Variants in CTNND2 observed in about 807,000 individuals in gnomAD.
The protein encoded by CTNND2 is catenin delta 2, also known as catenin delta-2.
CTNND2 carries 22 observed loss-of-function variants against 144.4 expected under a neutral mutation model. That is an observed-to-expected ratio of 0.15 (90% confidence interval 0.11 to 0.22). The LOEUF is 0.22. Among genes scored for constraint, CTNND2 ranks in the 10% least tolerant of loss-of-function variants. The probability of loss-of-function intolerance (pLI) is 1.00; values close to 1 mark genes in which losing one functional copy is unlikely to be tolerated. For synonymous variants in CTNND2, 751 were observed against 695.6 expected (o/e 1.08, Z -1.25); for missense variants, 1,353 against 1,618.8 (o/e 0.84, Z 2.82).
At chr5:10,978,183 G>T (rs1561109758) in intron 21 of CTNND2, among the ~76,000 whole-genome samples, 1 of 152,166 alleles carries the variant, frequency 6.6e-6, no homozygotes. Context: ...AAGTTCTGGG[G>T]TAACTTTTGG....
chr5:11,850,381 A>T (rs1338572389), intron 1 of CTNND2, among the ~76,000 whole-genome samples: 1 of 152,226 alleles, frequency 6.6e-6, no homozygotes, highest in Non-Finnish European at 1.5e-5. Flanking sequence ...CCAAGGTAAT[A>T]GGTAATAAAG....
intron 5 of CTNND2, among the ~76,000 whole-genome samples, chr5:11,404,430 C>T (rs1392862252): frequency 3.3e-5 from 5 of 151,856 alleles, no homozygotes; most frequent in Non-Finnish European, 7.4e-5. Flanking sequence ...ACCCTTTGTT[C>T]CTGCCATTAA....
intron 15 of CTNND2, among the ~76,000 whole-genome samples, chr5:11,092,145 A>G (rs1286981907): frequency 2.0e-5 from 3 of 152,188 alleles, no homozygotes; most frequent in Non-Finnish European, 4.4e-5. Context: ...TGTCTTTCAG[A>G]GATCATTGTC....
intron 9 of CTNND2, among the ~76,000 whole-genome samples, chr5:11,320,578 T>TG (rs1191013300): frequency 6.6e-6 from 1 of 152,064 alleles, no homozygotes; most frequent in Non-Finnish European, 1.5e-5. Flanking sequence ...CATGGCTGGG[T>TG]GGGGGCCTCA....
In CTNND2 at chr5:11,205,623, C is replaced by T. The variant is rs376442272; in HGVS notation, c.1762-5962G>A. ...ACCTCACTGAATTTCAAGCCTTACT[C>T]TTATTGAAAAGCCAGTTAAACCATC... On this transcript the variant is annotated intron_variant, in intron 10 of 21. Coordinates refer to ENST00000304623, the MANE Select transcript of CTNND2 (RefSeq NM_001332.4). 8.5e-5 allele frequency among the ~76,000 whole-genome samples: 13 copies of T among 152,266 alleles called. No individual in the cohort carries two copies. The South Asian group carries it at 2.7e-3, about 32-fold the overall frequency.
At chr5:11,868,034 G>A (rs1795854828) in intron 1 of CTNND2, among the ~76,000 whole-genome samples, 1 of 151,832 alleles carries the variant, frequency 6.6e-6, no homozygotes, top group South Asian at 2.1e-4. Context: ...GCAGGGGCAG[G>A]ATAGACAGAG....
intron 9 of CTNND2, among the ~76,000 whole-genome samples, chr5:11,337,515 C>T (rs1337510394): frequency 6.6e-6 from 1 of 152,192 alleles, no homozygotes; most frequent in East Asian, 1.9e-4. Flanking sequence ...AGACCCCATT[C>T]TCCTTCCAGT....
chr5:11,525,748 G>C (rs13358239), intron 3 of CTNND2, among the ~76,000 whole-genome samples: 15,591 of 152,262 alleles, frequency 0.1, 970 homozygotes, highest in Admixed American at 0.16. Context: ...CACAGTCCCA[G>C]TGTGAGTGTG....
At chr5:11,274,177 T>C (rs1746293460) in intron 9 of CTNND2, among the ~76,000 whole-genome samples, 1 of 152,182 alleles carries the variant, frequency 6.6e-6, no homozygotes, top group Non-Finnish European at 1.5e-5. Flanking sequence ...GTACTTTCTA[T>C]TGGCGTAATC....
intron 1 of CTNND2, among the ~76,000 whole-genome samples, chr5:11,763,381 C>T (rs1187636241): frequency 6.6e-6 from 1 of 152,142 alleles, no homozygotes; most frequent in Non-Finnish European, 1.5e-5. Context: ...CCCAACTACC[C>T]AAGCCCAAGT....
chr5:11,310,922 C>A (rs145915925), intron 9 of CTNND2, among the ~76,000 whole-genome samples: 2 of 148,816 alleles, frequency 1.3e-5, no homozygotes, highest in African/African-American at 2.5e-5. Context: ...TCCCCATACA[C>A]CCTCACCCCA....
chr5:11,469,774 A>T (rs1468951564), intron 3 of CTNND2, among the ~76,000 whole-genome samples: 1 of 151,992 alleles, frequency 6.6e-6, no homozygotes, highest in African/African-American at 2.4e-5. Flanking sequence ...CCAATGCTCC[A>T]TTTTCATCTT....
chr5:11,441,173 G>A (rs1764225267), intron 3 of CTNND2, among the ~76,000 whole-genome samples: 2 of 152,058 alleles, frequency 1.3e-5, no homozygotes, highest in Admixed American at 6.6e-5. Flanking sequence ...TTACTGAAAT[G>A]TGTGTCACAG....
At chr5:11,560,405 T>A (rs1434330352) in intron 3 of CTNND2, among the ~76,000 whole-genome samples, 1 of 152,078 alleles carries the variant, frequency 6.6e-6, no homozygotes, top group Admixed American at 6.5e-5. Context: ...TTCATAAGAG[T>A]GGTCCAACTG....
intron 16 of CTNND2, among the ~76,000 whole-genome samples, chr5:11,049,009 C>T (rs1339840914): frequency 6.6e-6 from 1 of 152,142 alleles, no homozygotes; most frequent in African/African-American, 2.4e-5. Flanking sequence ...GTTGTGACAA[C>T]AAAAAATGTT....
chr5:11,531,147 T>C (rs1490016993), intron 3 of CTNND2, among the ~76,000 whole-genome samples: 1 of 152,144 alleles, frequency 6.6e-6, no homozygotes, highest in East Asian at 1.9e-4. Flanking sequence ...CAGGCAAGGA[T>C]GGTGGGTACA....
At chr5:11,375,715 TA>T (rs1290491236) in intron 7 of CTNND2, among the ~76,000 whole-genome samples, 1 of 152,228 alleles carries the variant, frequency 6.6e-6, no homozygotes, top group East Asian at 1.9e-4. Flanking sequence ...ATTATCCAGA[TA>T]ATACTGTTAA....
chr5:11,735,970 T>G (rs1461843015), intron 1 of CTNND2, among the ~76,000 whole-genome samples: 3 of 152,226 alleles, frequency 2.0e-5, no homozygotes, highest in Non-Finnish European at 4.4e-5. Context: ...ATTTACATTT[T>G]ATTGGGCCCA....
At chr5:11,456,455 T>C (rs1765746037) in intron 3 of CTNND2, among the ~76,000 whole-genome samples, 1 of 152,006 alleles carries the variant, frequency 6.6e-6, no homozygotes, top group Non-Finnish European at 1.5e-5. Context: ...CACATCTGTG[T>C]CCAGACACAG....
Sources: gnomAD v4.1 joint callset for allele counts (sites outside exome capture counted in the v4.1 genomes callset) on GRCh38, gnomAD v4.1.1 for gene constraint, MANE v1.5 for transcripts, NCBI Gene and HGNC (gene_info 2026-07-23, HGNC 2026-07-21) for gene names.